The following TMEM117 variants were observed in gnomAD, a reference collection of about 807,000 sequenced individuals.
The protein encoded by TMEM117 is transmembrane protein 117.
A neutral mutation model predicts 52.4 loss-of-function variants in TMEM117; 27 were observed. The ratio of observed to expected loss-of-function variants is 0.51; its 90% confidence interval spans 0.38 to 0.71. The LOEUF is 0.71. TMEM117 is among the 30% of genes least tolerant of loss of function. The pLI is 0.00. For missense variants in TMEM117, 556 were observed against 630.5 expected (o/e 0.88, Z 1.26); for synonymous variants, 215 against 206.3 (o/e 1.04, Z -0.36).
At chr12:44,058,416 T>C (rs1947090743) in intron 3 of TMEM117, among the ~76,000 whole-genome samples, 1 of 152,234 alleles carries the variant, frequency 6.6e-6, no homozygotes, top group African/African-American at 2.4e-5. Flanking sequence ...CCTGGATCAA[T>C]TTTTCTATGC....
rs1204674742 is a variant in TMEM117, at chr12:43,836,088, C to T, written c.-137C>T. The T allele has an allele frequency of 6.6e-6, 1 of 151,904 alleles. No homozygotes were observed. Among genetic ancestry groups the T allele is most frequent in the African/African-American group, 2.4e-5 (1 of 41,506 alleles). 9.4% of individuals were successfully genotyped at this position (151,904 alleles called of 1,614,324 possible). A position where few individuals can be genotyped will look rare whatever the true frequency, so the allele number is the denominator to read the frequency against. On this transcript the variant is annotated 5_prime_UTR_variant, in exon 1 of 8. Coordinates refer to ENST00000266534, the MANE Select transcript of TMEM117 (RefSeq NM_032256.3). ...CGTGACAGCAGCAGCGGCAGCGACG[C>T]CGCCGGCCCGTCTCGCCGCGCTTCC...
At chr12:44,278,676 G>A (rs1319328643) in intron 5 of TMEM117, among the ~76,000 whole-genome samples, 1 of 152,070 alleles carries the variant, frequency 6.6e-6, no homozygotes, top group Non-Finnish European at 1.5e-5. Flanking sequence ...ATTAAAATAA[G>A]TCTTCATTGA....
At chr12:43,961,940 A>G (rs529267188) in intron 3 of TMEM117, among the ~76,000 whole-genome samples, 25 of 152,340 alleles carry the variant, frequency 1.6e-4, no homozygotes, top group Admixed American at 3.9e-4. Flanking sequence ...GCCCAGCACC[A>G]TCTGAGAAAG....
chr12:44,143,541 G>A lies in TMEM117; in HGVS notation c.427G>A (p.Asp143Asn), dbSNP rs929143316. ...DGNMGAYIITDYMGIRNESFM... is the reference protein window; with the variant it reads ...DGNMGAYIITNYMGIRNESFM... ...TTTCCACAGAGCATATATCATTACA[G>A]ACTATATGGGCATCCGAAATGAAAG... The change falls in exon 4 of 8, where the codon GAC becomes AAC. Residue 143 changes from aspartate (D) to asparagine (N), a missense_variant. Asp to Asn is a conservative substitution (Grantham distance 23). Transcript: ENST00000266534. The A allele has an allele frequency of 1.9e-6, 3 of 1,613,196 alleles. No homozygotes were observed. The highest frequency in any genetic ancestry group is 1.3e-5 in the African/African-American group (1 of 75,018).
intron 2 of TMEM117, among the ~76,000 whole-genome samples, chr12:43,895,286 A>G (rs890248068): frequency 6.6e-6 from 1 of 152,130 alleles, no homozygotes; most frequent in African/African-American, 2.4e-5. Flanking sequence ...GCTAAGGATA[A>G]TGGCCTTCAT....
intron 5 of TMEM117, among the ~76,000 whole-genome samples, chr12:44,280,537 A>G (rs1950564868): frequency 6.6e-6 from 1 of 152,112 alleles, no homozygotes. Flanking sequence ...AAAATCAATC[A>G]GATATTCTTA....
intron 3 of TMEM117, among the ~76,000 whole-genome samples, chr12:44,071,460 C>A (rs1289549804): frequency 1.3e-5 from 2 of 152,178 alleles, no homozygotes; most frequent in Non-Finnish European, 2.9e-5. Flanking sequence ...GGAATTTTAA[C>A]CTATGAAGCT....
At chr12:43,940,356 A>G (rs1383749552) in intron 2 of TMEM117, among the ~76,000 whole-genome samples, 1 of 152,200 alleles carries the variant, frequency 6.6e-6, no homozygotes, top group African/African-American at 2.4e-5. Context: ...ACTCCTAAAG[A>G]AAAGGGACCT....
At chr12:43,910,353 T>C in intron 2 of TMEM117, among the ~76,000 whole-genome samples, 6 of 124,226 alleles carry the variant, frequency 4.8e-5, no homozygotes, top group Admixed American at 2.6e-4. Context: ...TTCAAAATAA[T>C]AAGAGCTATC....
intron 2 of TMEM117, among the ~76,000 whole-genome samples, chr12:43,906,189 G>T (rs1944383830): frequency 6.6e-6 from 1 of 152,166 alleles, no homozygotes; most frequent in Non-Finnish European, 1.5e-5. Flanking sequence ...GATACCTAGT[G>T]CTATGGCTCA....
intron 3 of TMEM117, among the ~76,000 whole-genome samples, chr12:43,980,665 T>C (rs1157771422): frequency 6.6e-6 from 1 of 152,170 alleles, no homozygotes; most frequent in Non-Finnish European, 1.5e-5. Context: ...TCCATTGTGA[T>C]CTGTTGCAGT....
chr12:44,213,740 T>C (rs1377495355), intron 5 of TMEM117, among the ~76,000 whole-genome samples: 1 of 152,218 alleles, frequency 6.6e-6, no homozygotes, highest in Non-Finnish European at 1.5e-5. Context: ...TTCTCTCTCC[T>C]GCTGCCATGT....
intron 6 of TMEM117, among the ~76,000 whole-genome samples, chr12:44,338,012 G>A (rs1037477161): frequency 6.6e-6 from 1 of 151,960 alleles, no homozygotes; most frequent in Non-Finnish European, 1.5e-5. Context: ...TGATTTTAAG[G>A]ATCTTACAGG....
At chr12:44,287,245 C>A (rs61933049) in intron 5 of TMEM117, among the ~76,000 whole-genome samples, 4,885 of 152,224 alleles carry the variant, frequency 0.032, 118 homozygotes, top group Middle Eastern at 0.051. Context: ...TCCAACCACT[C>A]AAGCTGATAA....
chr12:44,338,551 G>A (rs1479461713), intron 6 of TMEM117, among the ~76,000 whole-genome samples: 1 of 151,732 alleles, frequency 6.6e-6, no homozygotes, highest in African/African-American at 2.4e-5. Flanking sequence ...TAAAAATAGT[G>A]CGTGTCCATA....
chr12:44,104,104 A>G (rs1029608394), intron 3 of TMEM117, among the ~76,000 whole-genome samples: 1 of 152,060 alleles, frequency 6.6e-6, no homozygotes, highest in African/African-American at 2.4e-5. Context: ...CAGTTTGTAA[A>G]TGATCACTCA....
At chr12:43,937,543 A>G (rs1327957257) in intron 2 of TMEM117, among the ~76,000 whole-genome samples, 1 of 152,170 alleles carries the variant, frequency 6.6e-6, no homozygotes, top group Non-Finnish European at 1.5e-5. Context: ...GAAAAGGCTG[A>G]TAAGGAAGCA....
chr12:44,212,452 G>T (rs1949659066), intron 5 of TMEM117, among the ~76,000 whole-genome samples: 1 of 152,128 alleles, frequency 6.6e-6, no homozygotes, highest in Non-Finnish European at 1.5e-5. Context: ...AAAGAGAAGT[G>T]ATATGGCTTC....
chr12:44,349,007 G>A (rs563838028), intron 6 of TMEM117, among the ~76,000 whole-genome samples: 2 of 152,038 alleles, frequency 1.3e-5, no homozygotes, highest in South Asian at 4.1e-4. Context: ...AAAACAACAT[G>A]CTTTGGTTGA....
Sources: allele counts gnomAD v4.1 joint callset (sites outside exome capture counted in the v4.1 genomes callset), GRCh38; gene constraint gnomAD v4.1.1; transcripts MANE v1.5; gene names NCBI Gene and HGNC (gene_info 2026-07-23, HGNC 2026-07-21).